The following SMAD1 variants were observed in gnomAD, a reference collection of about 807,000 sequenced individuals.
SMAD1 encodes MAD, mothers against decapentaplegic homolog 1.
A neutral mutation model predicts 41.6 loss-of-function variants in SMAD1; 6 were observed. The observed-to-expected ratio is 0.14, with a 90% CI of 0.08 to 0.28. The LOEUF (loss-of-function observed/expected upper bound fraction) is 0.28, where lower values mean the gene tolerates loss of function less well. Among genes scored for constraint, SMAD1 ranks in the 10% least tolerant of loss-of-function variants. SMAD1 has a pLI of 1.00. For missense variants in SMAD1, 379 were observed against 582.6 expected (o/e 0.65, Z 3.60); for synonymous variants, 206 against 203.2 (o/e 1.01, Z -0.12).
At chr4:145,543,631 C>T (rs1484324205) in intron 4 of SMAD1, among the ~76,000 whole-genome samples, 2 of 152,150 alleles carry the variant, frequency 1.3e-5, no homozygotes, top group East Asian at 1.9e-4. Flanking sequence ...CTGTATATAT[C>T]CTTAGCAGTG....
At position 145,558,258 on chromosome 4, in the gene SMAD1, C is replaced by G. The variant is rs1732957780; in HGVS notation, c.*324C>G. ...GACAAATTGTCTATTAGAAAACGGT[C>G]CTAAGAGATTCTTTGGTGTTTGGCA... On this transcript the variant is annotated 3_prime_UTR_variant, in exon 7 of 7. Coordinates refer to ENST00000302085, the MANE Select transcript of SMAD1 (RefSeq NM_005900.3). Among the ~76,000 whole-genome samples, 1 of 152,126 alleles carries G rather than the reference C, an allele frequency of 6.6e-6. No homozygotes were observed. Among genetic ancestry groups the G allele is most frequent in the Admixed American group, 6.5e-5 (1 of 15,272 alleles).
At position 145,518,062 on chromosome 4, in the gene SMAD1, A is replaced by G. The variant is rs1479893276; in HGVS notation, c.400+3049A>G. Among the ~76,000 whole-genome samples the G allele has an allele frequency of 3.2e-5, 4 of 126,692 alleles. 1 individual carries two copies. Among genetic ancestry groups the G allele is most frequent in the Admixed American group, 1.5e-4 (2 of 13,446 alleles). 83.1% of individuals were successfully genotyped at this position (126,692 alleles called of 152,430 possible). A position where few individuals can be genotyped will look rare whatever the true frequency, so the allele number is the denominator to read the frequency against. On this transcript the variant is annotated intron_variant, in intron 2 of 6. Transcript: ENST00000302085. ...CAAAGGACTTTTTCCAGAGACCACT[A>G]TGAAGCAGTCCCTGTACCTTCTGAA...
At position 145,518,648 on chromosome 4, in the gene SMAD1, C is replaced by T. The variant is rs1348116674; in HGVS notation, c.400+3635C>T. Among the ~76,000 whole-genome samples the T allele has an allele frequency of 2.4e-5, 3 of 126,202 alleles. 1 individual carries two copies. The highest frequency in any genetic ancestry group is 5.9e-5 in the Non-Finnish European group (3 of 51,204). The allele number at this position is 126,202 out of a possible 152,430, so 82.8% of individuals were successfully genotyped here. The stretch of plus-strand genomic sequence containing the variant: ...AGCTGCACATATACACAGCTCAACA[C>T]TGAATTATTTTGAACTTTGTCACTA... On this transcript the variant is annotated intron_variant, in intron 2 of 6. Coordinates refer to ENST00000302085, the MANE Select transcript of SMAD1 (RefSeq NM_005900.3).
intron 2 of SMAD1, among the ~76,000 whole-genome samples, chr4:145,536,171 A>C (rs1668418871): frequency 6.6e-6 from 1 of 152,144 alleles, no homozygotes; most frequent in African/African-American, 2.4e-5. Context: ...AGGCAAATGA[A>C]AACCCTGTGG....
At chr4:145,546,634 C>T in intron 4 of SMAD1, 69 bp from the exon 5 acceptor site, 1 of 1,092,308 alleles carries the variant, frequency 9.2e-7, no homozygotes, top group Non-Finnish European at 1.4e-6. Flanking sequence ...GCCAATTCAA[C>T]AACACGGTTT....
intron 1 of SMAD1, among the ~76,000 whole-genome samples, chr4:145,485,298 A>G (rs1368759827): frequency 2.7e-5 from 4 of 150,744 alleles, no homozygotes; most frequent in Non-Finnish European, 5.9e-5. Context: ...CTGGTCTTGA[A>G]CTCCTGGGCT....
intron 1 of SMAD1, among the ~76,000 whole-genome samples, chr4:145,492,822 A>C (rs976341161): frequency 6.6e-6 from 1 of 152,238 alleles, no homozygotes; most frequent in Non-Finnish European, 1.5e-5. Flanking sequence ...GTATGCCAGA[A>C]ACAAGGTTGA....
At position 145,553,628 on chromosome 4, in the gene SMAD1, G is replaced by A. The variant is rs376898898; in HGVS notation, c.998-156G>A. 3.3e-3 allele frequency among the ~76,000 whole-genome samples: 503 copies of A among 152,254 alleles called. 4 individuals are homozygous for A. Among genetic ancestry groups the A allele is most frequent in the South Asian group, 0.011 (55 of 4,830 alleles). ...CTGATACTGGTCCATGGCCCCGGGG[G>A]TTGGGAACTCCTGTTGTACAGGACC... On this transcript the variant is annotated intron_variant, in intron 5 of 6. Transcript: ENST00000302085.
chr4:145,542,844 C>T, intron 4 of SMAD1, 146 bp downstream of exon 4: 1 of 547,900 alleles, frequency 1.8e-6, no homozygotes, highest in Non-Finnish European at 3.3e-6. Flanking sequence ...ACTACAATTG[C>T]TGGATAACAA....
chr4:145,550,381 C>G (rs781305728), intron 5 of SMAD1, among the ~76,000 whole-genome samples: 1 of 152,042 alleles, frequency 6.6e-6, no homozygotes, highest in Non-Finnish European at 1.5e-5. Flanking sequence ...GGTGTGGTGG[C>G]ACACGCCTGT....
At chr4:145,505,639 A>C (rs1729730433) in intron 1 of SMAD1, among the ~76,000 whole-genome samples, 1 of 151,216 alleles carries the variant, frequency 6.6e-6, no homozygotes, top group Admixed American at 6.6e-5. Flanking sequence ...AAAAATGCTG[A>C]ACTACAAAAT....
At chr4:145,554,126 T>G in intron 6 of SMAD1, 86 bp downstream of exon 6, 1 of 1,200,376 alleles carries the variant, frequency 8.3e-7, no homozygotes, top group Non-Finnish European at 1.2e-6. Context: ...TATGAATCTA[T>G]ATCCTCTTGA....
chr4:145,516,489 T>A (rs1437826), intron 2 of SMAD1, among the ~76,000 whole-genome samples: 28,093 of 152,032 alleles, frequency 0.18, 5,960 homozygotes, highest in African/African-American at 0.51. Flanking sequence ...GCTCCTGCAC[T>A]TACTAGATTT....
chr4:145,510,322 T>C (rs897689215), intron 1 of SMAD1, among the ~76,000 whole-genome samples: 4 of 152,124 alleles, frequency 2.6e-5, no homozygotes, highest in Non-Finnish European at 4.4e-5. Context: ...ATTTTTCCTT[T>C]TAAAAAATCT....
In SMAD1 at chr4:145,514,709, A is replaced by G. The variant is rs747424132; in HGVS notation, c.96A>G (p.Lys32=). ...QGDEEEKWAE[K]AVDALVKKLK... ...ATGAAGAAGAAAAATGGGCAGAGAAAGCTGTTGATGCTTTGGTGAAAAAAC... is the reference window on the plus strand; with the variant it reads ...ATGAAGAAGAAAAATGGGCAGAGAAGGCTGTTGATGCTTTGGTGAAAAAAC... The change falls in exon 2 of 7, where the codon AAA becomes AAG. Residue 32 remains lysine (K), a synonymous_variant. Coordinates refer to ENST00000302085, the MANE Select transcript of SMAD1 (RefSeq NM_005900.3). The surrounding 1 kb of genome is among the most constrained non-coding windows in gnomAD (Gnocchi z 4.7). The G allele has an allele frequency of 1.9e-5, 30 of 1,614,038 alleles. No homozygotes were observed. Among genetic ancestry groups the G allele is most frequent in the Non-Finnish European group, 2.0e-5 (24 of 1,180,034 alleles).
chr4:145,555,957 TAAAGA>T (rs1247313920), intron 6 of SMAD1, among the ~76,000 whole-genome samples: 1 of 152,218 alleles, frequency 6.6e-6, no homozygotes, highest in Non-Finnish European at 1.5e-5. Flanking sequence ...TGCTGAATGT[TAAAGA>T]AAAGTTGTTT....
At position 145,482,782 on chromosome 4, in the gene SMAD1, C is replaced by G. The variant is rs925050564; in HGVS notation, c.-177+744C>G. 2 of 152,288 alleles carry G rather than the reference C, an allele frequency of 1.3e-5. No homozygotes were observed. The highest frequency in any genetic ancestry group is 1.3e-4 in the Admixed American group (2 of 15,280). The allele number at this position is 152,288 out of a possible 1,614,324, so 9.4% of individuals were successfully genotyped here. A position where few individuals can be genotyped will look rare whatever the true frequency, so the allele number is the denominator to read the frequency against. On this transcript the variant is annotated intron_variant, in intron 1 of 6. Transcript: ENST00000302085. This position sits in a 1 kb window ranked among gnomAD's most constrained non-coding sequence, Gnocchi z 4.2. ...GCGTCTCCTGGTGTCTCGTTCCTTT[C>G]CCTTTACCGGAGTCGATTGCCTCAC...
intron 1 of SMAD1, among the ~76,000 whole-genome samples, chr4:145,493,902 A>T (rs1172208541): frequency 6.6e-6 from 1 of 152,220 alleles, no homozygotes; most frequent in Non-Finnish European, 1.5e-5. Context: ...TGGGGAAAAA[A>T]GTCTGATGCA....
chr4:145,513,391 T>C (rs1042521445), intron 1 of SMAD1: 1 of 152,220 alleles, frequency 6.6e-6, no homozygotes, highest in African/African-American at 2.4e-5. Context: ...TTGTACAAAG[T>C]TAACCTCCTT....
Sources: gnomAD v4.1 joint callset for allele counts (sites outside exome capture counted in the v4.1 genomes callset) on GRCh38, gnomAD v4.1.1 for gene constraint, Gnocchi (gnomAD v3.1) non-coding constraint, MANE v1.5 for transcripts, NCBI Gene and HGNC (gene_info 2026-07-23, HGNC 2026-07-21) for gene names.